The following WDPCP variants were observed in gnomAD, a reference collection of about 807,000 sequenced individuals.
The protein encoded by WDPCP is WD repeat-containing and planar cell polarity effector protein fritz homolog.
WDPCP carries 71 observed loss-of-function variants against 93.1 expected under a neutral mutation model. The observed-to-expected ratio is 0.76, with a 90% CI of 0.63 to 0.93. The LOEUF is 0.93. Among genes scored for constraint, WDPCP ranks in the 40% least tolerant of loss-of-function variants. The pLI, the probability that WDPCP is intolerant of heterozygous loss-of-function variation, is 0.00. For missense variants in WDPCP, 844 were observed against 887.4 expected, an observed-to-expected ratio of 0.95 and a Z score of 0.62; for synonymous variants, 315 against 315.0, an observed-to-expected ratio of 1.00 and a Z score of 0.00.
At chr2:63,419,514 C>T (rs768492192) in intron 9 of WDPCP, among the ~76,000 whole-genome samples, 2 of 151,998 alleles carry the variant, frequency 1.3e-5, no homozygotes, top group Admixed American at 6.6e-5. Context: ...AAGGTTGAAA[C>T]CTGCTGAAAA....
At chr2:63,597,852 TCTG>T (rs953013237) in intron 3 of WDPCP, 1 of 212,636 alleles carries the variant, frequency 4.7e-6, no homozygotes, top group African/African-American at 2.3e-5. Flanking sequence ...CACAGGATCT[TCTG>T]GTGCATTTTT....
chr2:63,283,291 C>A (rs1437305510), intron 13 of WDPCP, among the ~76,000 whole-genome samples: 1 of 152,162 alleles, frequency 6.6e-6, no homozygotes, highest in Non-Finnish European at 1.5e-5. Context: ...AATCCGCCTG[C>A]CTGAAGCCCC....
At chr2:63,774,046 T>C (rs1446910593) in intron 2 of WDPCP, among the ~76,000 whole-genome samples, 2 of 152,028 alleles carry the variant, frequency 1.3e-5, no homozygotes, top group African/African-American at 2.4e-5. Flanking sequence ...CTGGGAAAAA[T>C]TGAACCTCAG....
intron 14 of WDPCP, among the ~76,000 whole-genome samples, chr2:63,200,159 G>A (rs1204145423): frequency 1.3e-5 from 2 of 152,082 alleles, no homozygotes; most frequent in Non-Finnish European, 2.9e-5. Context: ...GAAGTAACTA[G>A]TTTTTGATTT....
chr2:63,363,682 C>T (rs1690666929), intron 12 of WDPCP, among the ~76,000 whole-genome samples: 1 of 151,972 alleles, frequency 6.6e-6, no homozygotes. Flanking sequence ...TACGTATTTC[C>T]TGACCATATT....
chr2:63,323,800 C>T (rs560382757), intron 12 of WDPCP, among the ~76,000 whole-genome samples: 10 of 152,202 alleles, frequency 6.6e-5, no homozygotes, highest in Non-Finnish European at 7.4e-5. Flanking sequence ...CCACTAAATC[C>T]GACCTTTCTC....
the WDPCP span, among the ~76,000 whole-genome samples, chr2:63,835,818 T>C: frequency 2.0e-5 from 3 of 152,248 alleles, no homozygotes; most frequent in South Asian, 6.2e-4. Context: ...AATTATTTAA[T>C]CTTCACCCAA....
At chr2:63,466,205 A>G (rs1454520576) in intron 6 of WDPCP, among the ~76,000 whole-genome samples, 1 of 152,136 alleles carries the variant, frequency 6.6e-6, no homozygotes, top group Admixed American at 6.5e-5. Context: ...CACTGTGAAC[A>G]TTTTATATAC....
chr2:63,229,320 A>G (rs1678609600), intron 14 of WDPCP: 1 of 152,054 alleles, frequency 6.6e-6, no homozygotes. Context: ...TTCTTTGTAG[A>G]TTCTGGATAT....
intron 1 of WDPCP, among the ~76,000 whole-genome samples, chr2:63,573,102 T>A (rs574583274): frequency 1.3e-5 from 2 of 152,064 alleles, no homozygotes; most frequent in East Asian, 1.9e-4. Flanking sequence ...AATTTTTTAA[T>A]TGGCTGGTGG....
Position 63,506,072 on chromosome 2 carries a change from C to G in WDPCP, c.76-13132G>C, listed in dbSNP as rs548458150. 4.6e-5 allele frequency among the ~76,000 whole-genome samples: 7 copies of G among 152,032 alleles called. 1 individual carries two copies. The highest frequency in any genetic ancestry group is 9.7e-5 in the African/African-American group (4 of 41,414). ...TATTCATTTTCAGAACCTGAAACTT[C>G]CTTAAAGAAAATGAATATCAAGCAT... On this transcript the variant is annotated intron_variant, in intron 1 of 17. Transcript: ENST00000272321.
intron 14 of WDPCP, among the ~76,000 whole-genome samples, chr2:63,213,897 A>G (rs964841751): frequency 2.6e-5 from 4 of 152,174 alleles, no homozygotes; most frequent in African/African-American, 4.8e-5. Flanking sequence ...TCCTGTACAC[A>G]TACACCCTCC....
At chr2:63,596,884 C>G (rs1709322733) in intron 3 of WDPCP, among the ~76,000 whole-genome samples, 1 of 152,202 alleles carries the variant, frequency 6.6e-6, no homozygotes, top group Non-Finnish European at 1.5e-5. Context: ...GAGTTAATCT[C>G]TTTAAACCTC....
intron 3 of WDPCP, chr2:63,597,352 A>G (rs771520188): frequency 6.0e-6 from 8 of 1,322,380 alleles, no homozygotes; most frequent in Non-Finnish European, 7.8e-6. Flanking sequence ...GAAAACTTCA[A>G]ACTTTGATGT....
intron 13 of WDPCP, among the ~76,000 whole-genome samples, chr2:63,308,899 A>G (rs1009367848): frequency 6.6e-6 from 1 of 152,138 alleles, no homozygotes; most frequent in Non-Finnish European, 1.5e-5. Context: ...ATCAAAGAAA[A>G]TGTGGTAAAT....
intron 3 of WDPCP, chr2:63,605,864 G>A (rs1289302069): frequency 8.3e-7 from 1 of 1,208,328 alleles, no homozygotes; most frequent in Non-Finnish European, 1.2e-6. Context: ...AGGGTCACCT[G>A]GTTTAATTTT....
chr2:63,512,598 T>C (rs1048171506), intron 1 of WDPCP, among the ~76,000 whole-genome samples: 1 of 152,176 alleles, frequency 6.6e-6, no homozygotes, highest in African/African-American at 2.4e-5. Flanking sequence ...TGCAGGGGCA[T>C]AGATGAAACT....
chr2:63,612,195 T>A (rs1264617227), intron 3 of WDPCP, among the ~76,000 whole-genome samples: 1 of 152,198 alleles, frequency 6.6e-6, no homozygotes, highest in Non-Finnish European at 1.5e-5. Context: ...GGATTCCAGC[T>A]CTGACTCTTT....
At chr2:63,497,035 C>A (rs552951946) in intron 1 of WDPCP, among the ~76,000 whole-genome samples, 1 of 141,802 alleles carries the variant, frequency 7.1e-6, no homozygotes, top group South Asian at 2.2e-4. Context: ...TCTCTGGAAC[C>A]CAGGAGGCGA....
Sources: gnomAD v4.1 joint callset for allele counts (sites outside exome capture counted in the v4.1 genomes callset) on GRCh38, gnomAD v4.1.1 for gene constraint, MANE v1.5 for transcripts, NCBI Gene and HGNC (gene_info 2026-07-23, HGNC 2026-07-21) for gene names.